SNX25: variants seen among roughly 807,000 people sequenced by gnomAD.
The protein encoded by SNX25 is sorting nexin 25, also known as sorting nexin-25.
Under a neutral mutation model 113.7 loss-of-function variants are expected in SNX25, and 62 were observed. The observed-to-expected ratio is 0.55, with a 90% confidence interval of 0.44 to 0.67. The LOEUF is 0.67. SNX25 is among the 30% of genes least tolerant of loss of function. SNX25 has a pLI of 0.00. For synonymous variants in SNX25, 421 were observed against 436.2 expected (o/e 0.97, Z 0.43); for missense variants, 1,014 against 1,161.0 (o/e 0.87, Z 1.84).
chr4:185,288,636 T>C (rs953724450), intron 6 of SNX25, among the ~76,000 whole-genome samples: 9 of 151,244 alleles, frequency 6.0e-5, no homozygotes, highest in African/African-American at 2.2e-4. Context: ...TATATATATA[T>C]TGCTCTATCT....
intron 1 of SNX25, among the ~76,000 whole-genome samples, chr4:185,226,742 C>T (rs560074032): frequency 1.3e-5 from 2 of 152,238 alleles, no homozygotes; most frequent in Non-Finnish European, 2.9e-5. Context: ...TGAGCCACCA[C>T]ACTGTGCCTT....
intron 7 of SNX25, among the ~76,000 whole-genome samples, chr4:185,315,619 T>G (rs1214042687): frequency 6.6e-6 from 1 of 152,058 alleles, no homozygotes; most frequent in Non-Finnish European, 1.5e-5. Context: ...ATAAAACATG[T>G]AAGGAAGAGA....
chr4:185,249,931 A>G (rs937516739), intron 2 of SNX25, among the ~76,000 whole-genome samples: 2 of 152,096 alleles, frequency 1.3e-5, no homozygotes, highest in African/African-American at 2.4e-5. Flanking sequence ...CATCCGGGCT[A>G]TCTTGATGTT....
chr4:185,317,983 C>G (rs1018979250), intron 7 of SNX25, among the ~76,000 whole-genome samples: 1 of 152,040 alleles, frequency 6.6e-6, no homozygotes, highest in Non-Finnish European at 1.5e-5. Context: ...TGAATAGACC[C>G]TCTGCTGGAA....
chr4:185,328,233 G>A (rs1165003034), intron 9 of SNX25, among the ~76,000 whole-genome samples: 1 of 152,080 alleles, frequency 6.6e-6, no homozygotes, highest in Non-Finnish European at 1.5e-5. Flanking sequence ...AACAGGGCTA[G>A]GAAAACAATT....
chr4:185,245,269 A>G (rs1285355048), intron 1 of SNX25, among the ~76,000 whole-genome samples: 1 of 151,526 alleles, frequency 6.6e-6, no homozygotes, highest in African/African-American at 2.4e-5. Context: ...CCTCTTTTTA[A>G]TGTAGTCTCA....
intron 8 of SNX25, among the ~76,000 whole-genome samples, chr4:185,321,449 G>A (rs2095119625): frequency 1.3e-5 from 2 of 151,946 alleles, no homozygotes; most frequent in Non-Finnish European, 2.9e-5. Flanking sequence ...TTTTAGTAGA[G>A]ACGGGGTTTT....
At chr4:185,248,736 C>A (rs1237470187) in intron 2 of SNX25, among the ~76,000 whole-genome samples, 2 of 152,214 alleles carry the variant, frequency 1.3e-5, no homozygotes, top group African/African-American at 2.4e-5. Context: ...CTTAATTATA[C>A]AATTCAGTAA....
upstream of SNX25, among the ~76,000 whole-genome samples, chr4:185,208,018 A>G (rs1737264907): frequency 6.6e-6 from 1 of 152,224 alleles, no homozygotes; most frequent in Non-Finnish European, 1.5e-5. Flanking sequence ...TTGGGTTGGT[A>G]GGGTACACTT....
chr4:185,374,076 G>T (rs925773327), downstream of SNX25: 43 of 1,355,560 alleles, frequency 3.2e-5, no homozygotes, highest in South Asian at 4.9e-4. Context: ...CTCAAAAAAA[G>T]CAGTGAAACA....
At chr4:185,341,004 A>G (rs975625092) in intron 11 of SNX25, among the ~76,000 whole-genome samples, 2 of 152,314 alleles carry the variant, frequency 1.3e-5, no homozygotes, top group Non-Finnish European at 2.9e-5. Context: ...CTACTTCCCT[A>G]TCCTTACAGT....
chr4:185,316,269 T>C (rs1446265149), intron 7 of SNX25, among the ~76,000 whole-genome samples: 1 of 152,220 alleles, frequency 6.6e-6, no homozygotes, highest in Non-Finnish European at 1.5e-5. Flanking sequence ...TTCAGAACAG[T>C]TATTATTAAC....
At chr4:185,242,284 G>T (rs1744175621) in intron 1 of SNX25, among the ~76,000 whole-genome samples, 1 of 152,120 alleles carries the variant, frequency 6.6e-6, no homozygotes, top group Admixed American at 6.5e-5. Context: ...ACACCAGCTG[G>T]GTGTCCTCTA....
At chr4:185,293,614 T>A (rs937506905) in intron 6 of SNX25, among the ~76,000 whole-genome samples, 1 of 152,228 alleles carries the variant, frequency 6.6e-6, no homozygotes, top group African/African-American at 2.4e-5. Flanking sequence ...AGTATTTACA[T>A]TATATTTTTT....
Position 185,212,491 on chromosome 4 carries a change from G to GTTT in SNX25, c.429+2249_429+2251dup, listed in dbSNP as rs61204525. Among the ~76,000 whole-genome samples, 323 of 104,932 alleles carry GTTT rather than the reference G, an allele frequency of 3.1e-3. 8 individuals carry two copies. Among genetic ancestry groups the GTTT allele is most frequent in the African/African-American group, 8.4e-3 (227 of 27,024 alleles). The allele number at this position is 104,932 out of a possible 152,430, so 68.8% of individuals were successfully genotyped here. A position where few individuals can be genotyped will look rare whatever the true frequency, so the allele number is the denominator to read the frequency against. On this transcript the variant is annotated intron_variant, in intron 1 of 18. Transcript: ENST00000652585. ...TGTGTGTGTGTGTGTGTGTGTGTGT[G>GTTT]TTTTTTTTTTTTTTTGCTTTGAGAC...
chr4:185,308,872 C>T (rs1264301260), intron 6 of SNX25, among the ~76,000 whole-genome samples: 1 of 152,140 alleles, frequency 6.6e-6, no homozygotes, highest in African/African-American at 2.4e-5. Context: ...AACTCTAGAC[C>T]TTCTCTCTCC....
upstream of SNX25, among the ~76,000 whole-genome samples, chr4:185,207,210 CTTTTTT>C (rs34373262): frequency 2.6e-5 from 2 of 76,850 alleles, no homozygotes; most frequent in East Asian, 4.2e-4. Flanking sequence ...ACCAGTCACA[CTTTTTT>C]TTTTTTTTTT....
At chr4:185,291,128 T>C (rs1752105164) in intron 6 of SNX25, among the ~76,000 whole-genome samples, 1 of 152,058 alleles carries the variant, frequency 6.6e-6, no homozygotes, top group Non-Finnish European at 1.5e-5. Flanking sequence ...CTAAATGCCT[T>C]TCTGGCCCTG....
chr4:185,261,112 CTCTG>C (rs1747253327), intron 3 of SNX25, among the ~76,000 whole-genome samples: 3 of 114,616 alleles, frequency 2.6e-5, no homozygotes, highest in East Asian at 2.3e-4. Flanking sequence ...GTCTGTCTGT[CTCTG>C]TGTGTGTGTG....
Sources: allele counts gnomAD v4.1 joint callset (sites outside exome capture counted in the v4.1 genomes callset), GRCh38; gene constraint gnomAD v4.1.1; transcripts MANE v1.5; gene names NCBI Gene and HGNC (gene_info 2026-07-23, HGNC 2026-07-21).